Variants in HDGF observed in about 807,000 individuals in gnomAD.
The protein encoded by HDGF is hepatoma-derived growth factor.
A neutral mutation model predicts 30.0 loss-of-function variants in HDGF; 5 were observed. That is an observed-to-expected ratio of 0.17 (90% CI 0.09 to 0.35). HDGF has a LOEUF of 0.35. Ranked by LOEUF, HDGF falls within the 10% of genes least tolerant of loss-of-function variation. HDGF has a pLI of 1.00. For missense variants in HDGF, 214 were observed against 302.8 expected, an observed-to-expected ratio of 0.71 and a Z score of 2.18; for synonymous variants, 133 against 112.7, an observed-to-expected ratio of 1.18 and a Z score of -1.14.
rs4437869 is a variant in HDGF, at chr1:156,743,720, C to T, written c.648G>A (p.Glu216=). 1,596,050 of 1,605,250 alleles carry T rather than the reference C, an allele frequency of 0.99. 793,869 individuals are homozygous for T. Among genetic ancestry groups the T allele is most frequent in the East Asian group, 1 (44,808 of 44,810 alleles). Residue 216 remains glutamate, a synonymous_variant, in exon 5 of 6, where the codon GAG becomes GAA. Coordinates refer to ENST00000357325, the MANE Select transcript of HDGF (RefSeq NM_004494.3). The stretch of plus-strand genomic sequence containing the variant: ...TAGCCTCTTCCTCTTCATCCTCCTC[C>T]TCTTCTTCCTCTTGGGGAGGCCCCC... ...SGRGPPQEEE[E]EEDEEEEATK...
chr1:156,751,205 G>A lies in HDGF; in HGVS notation c.87+138C>T, dbSNP rs1650953590. ...ATATAACCGGCGGGTGGGCTTGGAAGCGACAGAGAAAGAGCCGGAGACCTA... is the reference window on the plus strand; with the variant it reads ...ATATAACCGGCGGGTGGGCTTGGAAACGACAGAGAAAGAGCCGGAGACCTA... On this transcript the variant is annotated intron_variant, in intron 1 of 5. Coordinates refer to ENST00000357325, the MANE Select transcript of HDGF (RefSeq NM_004494.3). This position sits in a 1 kb window ranked among gnomAD's most constrained non-coding sequence, Gnocchi z 4.7. 2 of 1,167,338 alleles carry A rather than the reference G, an allele frequency of 1.7e-6. No homozygotes were observed. The highest frequency in any genetic ancestry group is 1.6e-5 in the African/African-American group (1 of 61,508). The allele number at this position is 1,167,338 out of a possible 1,614,324, so 72.3% of individuals were successfully genotyped here.
intron 1 of HDGF, among the ~76,000 whole-genome samples, chr1:156,748,111 C>T (rs12042468): frequency 8.6e-5 from 13 of 151,974 alleles, no homozygotes; most frequent in Admixed American, 3.3e-4. Context: ...GCATCTCCCC[C>T]CAAAGCATCA....
chr1:156,754,223 G>A (rs890195751), upstream of HDGF, among the ~76,000 whole-genome samples: 11 of 152,088 alleles, frequency 7.2e-5, no homozygotes, highest in South Asian at 2.1e-4. Flanking sequence ...CAACAAACAC[G>A]CTTTTAAACT....
Position 156,745,027 on chromosome 1 carries a change from A to C in HDGF, c.284T>G (p.Val95Gly). ...GCTCACCTGATAGCCGGAAGCCTTG[A>C]CAGTAGGGTTGTTCTCGATCTCCCA... Reference protein sequence around the residue: ...GLWEIENNPTVKASGYQSSQK... With the variant: ...GLWEIENNPTGKASGYQSSQK... The change falls in exon 3 of 6, where the codon GTC becomes GGC. Residue 95 changes from valine to glycine, a missense_variant. Val to Gly is a moderately radical substitution (Grantham distance 109). Transcript: ENST00000357325. The C allele has an allele frequency of 6.2e-7, 1 of 1,613,892 alleles. No individual in the cohort carries two copies. Among genetic ancestry groups the C allele is most frequent in the Non-Finnish European group, 8.5e-7 (1 of 1,179,998 alleles).
intron 1 of HDGF, among the ~76,000 whole-genome samples, chr1:156,749,637 T>C (rs913479411): frequency 7.9e-5 from 12 of 152,142 alleles, no homozygotes; most frequent in African/African-American, 2.2e-4. Flanking sequence ...AGAAAATGGA[T>C]GGGATCCCTA....
intron 1 of HDGF, among the ~76,000 whole-genome samples, chr1:156,760,567 T>C (rs1037397212): frequency 2.6e-5 from 4 of 152,210 alleles, no homozygotes; most frequent in Non-Finnish European, 4.4e-5. Flanking sequence ...ATTCATTTAT[T>C]CACTCTCACA....
chr1:156,750,028 T>C (rs1650855797), intron 1 of HDGF, among the ~76,000 whole-genome samples: 1 of 152,120 alleles, frequency 6.6e-6, no homozygotes, highest in African/African-American at 2.4e-5. Context: ...ATTTGATCCA[T>C]CTGAAAGTTT....
At chr1:156,753,386 A>T (rs933202870), upstream of HDGF, among the ~76,000 whole-genome samples, 1 of 152,154 alleles carries the variant, frequency 6.6e-6, no homozygotes, top group South Asian at 2.1e-4. Context: ...GTTGGTGTTT[A>T]CTCTACAATG....
At chr1:156,747,984 C>T (rs993769110) in intron 1 of HDGF, among the ~76,000 whole-genome samples, 6 of 152,076 alleles carry the variant, frequency 3.9e-5, no homozygotes, top group Admixed American at 3.3e-4. Context: ...AACAAAAGAA[C>T]GAATGGGATT....
In HDGF at chr1:156,751,442, G is replaced by GGCGCCCCGGGCTCCGC. The variant is rs1274850584; in HGVS notation, c.-29_-14dup. 1 of 1,548,552 alleles carries GGCGCCCCGGGCTCCGC rather than the reference G, an allele frequency of 6.5e-7. No homozygotes were observed. Among genetic ancestry groups the GGCGCCCCGGGCTCCGC allele is most frequent in the Non-Finnish European group, 8.7e-7 (1 of 1,145,306 alleles). On this transcript the variant is annotated 5_prime_UTR_variant, in exon 1 of 6. Coordinates refer to ENST00000357325, the MANE Select transcript of HDGF (RefSeq NM_004494.3). The surrounding 1 kb of genome is among the most constrained non-coding windows in gnomAD (Gnocchi z 4.7). ...TGGATCGCGACATGGCGGGGCTCCG[G>GGCGCCCCGGGCTCCGC]GCGCCCCGGGCTCCGCGCCGGGCCG... is the stretch of plus-strand genomic sequence containing the variant.
chr1:156,751,783 C>T, upstream of HDGF: 1 of 1,184,226 alleles, frequency 8.4e-7, no homozygotes, highest in African/African-American at 1.6e-5. This position sits in a 1 kb window ranked among gnomAD's most constrained non-coding sequence, Gnocchi z 4.7. Context: ...CTCCCCCCGC[C>T]CCCCAACCTC....
At position 156,765,848 on chromosome 1, in the gene HDGF, T is replaced by C. The variant is rs151249391; in HGVS notation, n.136+942A>G. ...GACCGCACAGTCACCAGAGAGTACG[T>C]TGGGGAACCTAGATTTGAAAGCAGA... On this transcript the variant is annotated intron_variant and non_coding_transcript_variant, in intron 1 of 7. Transcript: ENST00000465180. Among the ~76,000 whole-genome samples the C allele has an allele frequency of 5.9e-5, 9 of 152,254 alleles. No individual in the cohort carries two copies. The East Asian group carries it at 1.4e-3, about 23-fold the overall frequency.
At chr1:156,745,268 C>A in intron 2 of HDGF, 29 bp downstream of exon 2, 2 of 1,612,184 alleles carry the variant, frequency 1.2e-6, no homozygotes, top group East Asian at 2.2e-5. Flanking sequence ...GGGGCCCTCC[C>A]GACCTATACC....
chr1:156,757,478 TAAATA>T (rs143737033), intron 2 of HDGF, among the ~76,000 whole-genome samples: 44,090 of 146,244 alleles, frequency 0.3, 7,459 homozygotes, highest in East Asian at 0.73. Context: ...AAAATATATA[TAAATA>T]AAATAAAATA....
chr1:156,748,444 G>C (rs1201321676), intron 1 of HDGF, among the ~76,000 whole-genome samples: 2 of 152,142 alleles, frequency 1.3e-5, no homozygotes, highest in Non-Finnish European at 2.9e-5. Flanking sequence ...GTCAGGGTGG[G>C]GCCAAATAGT....
Position 156,743,896 on chromosome 1 carries a change from A to T in HDGF, c.490-18T>A. On this transcript the variant is annotated intron_variant, in intron 4 of 5. Coordinates refer to ENST00000357325, the MANE Select transcript of HDGF (RefSeq NM_004494.3). ...GGAGAGTCCTAGGCAGGATCAACAG[A>T]GGAAGTGGGCTGAGGCTGGAGAGGG... 6.3e-7 allele frequency: 1 copy of T among 1,589,998 alleles called. No individual in the cohort carries two copies. The highest frequency in any genetic ancestry group is 8.6e-7 in the Non-Finnish European group (1 of 1,158,228).
upstream of HDGF, chr1:156,752,215 C>G: frequency 6.4e-7 from 1 of 1,551,798 alleles, no homozygotes; most frequent in Non-Finnish European, 8.7e-7. Context: ...CTCTCTGGAC[C>G]TCGCCGTGCT....
chr1:156,762,570 A>T (rs1651268374), intron 1 of HDGF, among the ~76,000 whole-genome samples: 1 of 151,806 alleles, frequency 6.6e-6, no homozygotes, highest in Non-Finnish European at 1.5e-5. Flanking sequence ...GGCTTGTCAT[A>T]CTAAAAACTT....
At chr1:156,756,129 G>A (rs12407120), upstream of HDGF, among the ~76,000 whole-genome samples, 15,611 of 152,106 alleles carry the variant, frequency 0.1, 1,027 homozygotes, top group African/African-American at 0.18. Flanking sequence ...GCGGGCCCCT[G>A]TAATCCCAGC....
Sources: allele counts gnomAD v4.1 joint callset (sites outside exome capture counted in the v4.1 genomes callset), GRCh38; gene constraint gnomAD v4.1.1; non-coding constraint Gnocchi (gnomAD v3.1); transcripts MANE v1.5; gene names NCBI Gene and HGNC (gene_info 2026-07-23, HGNC 2026-07-21).